The following KCNN2 variants were observed in gnomAD, a reference collection of about 807,000 sequenced individuals.
KCNN2 encodes the protein potassium calcium-activated channel subfamily N member 2, also known as small conductance calcium-activated potassium channel protein 2.
KCNN2 carries 24 observed loss-of-function variants against 55.5 expected under a neutral mutation model. The observed-to-expected ratio is 0.43, with a 90% CI of 0.31 to 0.61. The LOEUF is 0.61. Ranked by LOEUF, KCNN2 falls within the 20% of genes least tolerant of loss-of-function variation. The probability of loss-of-function intolerance (pLI) is 0.08; values close to 1 mark genes in which losing one functional copy is unlikely to be tolerated. For synonymous variants in KCNN2, 431 were observed against 336.1 expected, an observed-to-expected ratio of 1.28 and a Z score of -3.09; for missense variants, 754 against 853.6, an observed-to-expected ratio of 0.88 and a Z score of 1.45.
At chr5:114,305,749 C>A (rs1039873146) in intron 2 of KCNN2, among the ~76,000 whole-genome samples, 1 of 152,126 alleles carries the variant, frequency 6.6e-6, no homozygotes, top group African/African-American at 2.4e-5. Flanking sequence ...ACAACTGGAC[C>A]AGGAAGAGAA....
intron 7 of KCNN2, 51 bp from the exon 8 acceptor site, chr5:114,495,843 GT>G: frequency 6.5e-7 from 1 of 1,547,456 alleles, no homozygotes; most frequent in Non-Finnish European, 8.8e-7. Context: ...GAGGTGGACA[GT>G]TTGTGTTCAG....
intron 3 of KCNN2, among the ~76,000 whole-genome samples, chr5:114,410,284 G>A (rs1759090835): frequency 6.6e-6 from 1 of 152,168 alleles, no homozygotes; most frequent in Non-Finnish European, 1.5e-5. Context: ...AGCGTACGTA[G>A]GCAGCTATTC....
At chr5:114,466,732 C>A (rs570961684) in intron 4 of KCNN2, among the ~76,000 whole-genome samples, 1 of 152,042 alleles carries the variant, frequency 6.6e-6, no homozygotes, top group African/African-American at 2.4e-5. Context: ...CGAGTAATAT[C>A]TGTTCATTCC....
At position 114,253,032 on chromosome 5, in the gene KCNN2, G is replaced by C. The variant is rs138572563; in HGVS notation, c.-185+31467G>C. Among the ~76,000 whole-genome samples the C allele has an allele frequency of 5.5e-4, 84 of 152,096 alleles. 1 individual carries two copies. The highest frequency in any genetic ancestry group is 3.4e-3 in the Middle Eastern group (1 of 294). ...AGAGCTCTGCTCTGCTTCTCCTTGG[G>C]GGGTAGTACCTCTTGAACAGCCTTT... is the stretch of plus-strand genomic sequence containing the variant. On this transcript the variant is annotated intron_variant, in intron 2 of 10. Transcript: ENST00000512097.
At chr5:114,218,502 C>A (rs1351164108) in intron 1 of KCNN2, among the ~76,000 whole-genome samples, 1 of 152,156 alleles carries the variant, frequency 6.6e-6, no homozygotes, top group Non-Finnish European at 1.5e-5. Context: ...AGGCTACATA[C>A]TGTATGATTC....
chr5:114,361,957 C>T (rs1399934593), upstream of KCNN2: 1 of 153,164 alleles, frequency 6.5e-6, no homozygotes, highest in African/African-American at 2.4e-5. Flanking sequence ...AGTCTCGGTC[C>T]CCGCAGGTGA....
Position 114,373,719 on chromosome 5 carries a change from A to G in KCNN2, c.1218+9718A>G, listed in dbSNP as rs182170742. 5.0e-3 allele frequency among the ~76,000 whole-genome samples: 696 copies of G among 138,326 alleles called. 6 individuals carry two copies. The highest frequency in any genetic ancestry group is 0.035 in the Middle Eastern group (9 of 254). The allele number at this position is 138,326 out of a possible 152,430, so 90.7% of individuals were successfully genotyped here. ...GCTATTTACATGTCAGCTCTTGGTT[A>G]TTGTTCACTATTTTGGAGTTTGTTG... On this transcript the variant is annotated intron_variant, in intron 2 of 7. Transcript: ENST00000673685.
chr5:114,371,754 G>C (rs1757764676), intron 2 of KCNN2, among the ~76,000 whole-genome samples: 1 of 152,116 alleles, frequency 6.6e-6, no homozygotes, highest in Non-Finnish European at 1.5e-5. Flanking sequence ...CTCAGACATT[G>C]AATGTCCCTG....
intron 2 of KCNN2, among the ~76,000 whole-genome samples, chr5:114,264,216 A>T (rs1450995177): frequency 6.6e-6 from 1 of 152,082 alleles, no homozygotes; most frequent in Non-Finnish European, 1.5e-5. Context: ...CTCTGTATGC[A>T]TGTTCTTCAT....
intron 5 of KCNN2, among the ~76,000 whole-genome samples, chr5:114,473,875 C>G (rs996647910): frequency 1.3e-5 from 2 of 152,170 alleles, no homozygotes; most frequent in African/African-American, 4.8e-5. Context: ...GGTTAGGTAA[C>G]TTGCTCAAAG....
chr5:114,312,570 A>C lies in KCNN2; in HGVS notation c.-184-48375A>C, dbSNP rs536038678. Among the ~76,000 whole-genome samples, 27 of 150,566 alleles carry C rather than the reference A, an allele frequency of 1.8e-4. No individual in the cohort carries two copies. The South Asian group carries it at 5.7e-3, about 32-fold the overall frequency. On this transcript the variant is annotated intron_variant, in intron 2 of 10. Coordinates refer to the KCNN2 transcript ENST00000512097. ...TCCAGAACAGTTTACTCTGCCCAAA[A>C]TTCTTAGCAGTAATGTCTAAGCCCT...
At chr5:114,303,801 A>G (rs1381937542) in intron 2 of KCNN2, among the ~76,000 whole-genome samples, 2 of 152,154 alleles carry the variant, frequency 1.3e-5, no homozygotes, top group Non-Finnish European at 2.9e-5. Flanking sequence ...TAGAAAAAGG[A>G]ATGAGATTGT....
chr5:114,431,211 T>C (rs998190888), intron 3 of KCNN2, among the ~76,000 whole-genome samples: 1 of 152,136 alleles, frequency 6.6e-6, no homozygotes, highest in Non-Finnish European at 1.5e-5. Context: ...AGTGAACCCA[T>C]GTGGTCCTGG....
At chr5:114,406,832 C>T (rs1758950995) in intron 3 of KCNN2, among the ~76,000 whole-genome samples, 1 of 151,940 alleles carries the variant, frequency 6.6e-6, no homozygotes. Flanking sequence ...ATCTGTCTTC[C>T]AGTAGTTTTG....
At chr5:114,213,100 G>A (rs1241897985) in intron 1 of KCNN2, among the ~76,000 whole-genome samples, 2 of 151,950 alleles carry the variant, frequency 1.3e-5, no homozygotes, top group Non-Finnish European at 2.9e-5. Context: ...ATTGATCAAA[G>A]TTTTGGTCCT....
intron 2 of KCNN2, among the ~76,000 whole-genome samples, chr5:114,331,150 T>A (rs997657909): frequency 6.6e-6 from 1 of 151,988 alleles, no homozygotes; most frequent in Admixed American, 6.6e-5. Context: ...AAGCGGATCA[T>A]AAACAAGGCA....
chr5:114,494,703 T>C (rs1376962821), intron 7 of KCNN2, among the ~76,000 whole-genome samples: 1 of 152,114 alleles, frequency 6.6e-6, no homozygotes, highest in African/African-American at 2.4e-5. Context: ...AATGTACTTA[T>C]TATGACCACG....
intron 2 of KCNN2, among the ~76,000 whole-genome samples, chr5:114,344,551 A>G (rs1433516277): frequency 1.3e-5 from 2 of 152,168 alleles, no homozygotes; most frequent in African/African-American, 2.4e-5. Context: ...TGATGGATTT[A>G]TTTTCCATGT....
At chr5:114,163,625 G>T (rs111951923) in intron 1 of KCNN2, among the ~76,000 whole-genome samples, 31 of 152,206 alleles carry the variant, frequency 2.0e-4, no homozygotes, top group African/African-American at 7.5e-4. Flanking sequence ...TGCTTTCACT[G>T]TTGTTGCCCC....
Sources: allele counts gnomAD v4.1 joint callset (sites outside exome capture counted in the v4.1 genomes callset), GRCh38; gene constraint gnomAD v4.1.1; transcripts MANE v1.5; gene names NCBI Gene and HGNC (gene_info 2026-07-23, HGNC 2026-07-21).